ARHGEF28: variants seen among roughly 807,000 people sequenced by gnomAD.
ARHGEF28 encodes the protein Rho guanine nucleotide exchange factor 28.
Under a neutral mutation model 206.6 loss-of-function variants are expected in ARHGEF28, and 152 were observed. The observed-to-expected ratio is 0.74, with a 90% CI of 0.64 to 0.84. The LOEUF is 0.84. Ranked by LOEUF, ARHGEF28 falls within the 40% of genes least tolerant of loss-of-function variation. The pLI is 0.00. For missense variants in ARHGEF28, 2,028 were observed against 2,073.2 expected (o/e 0.98, Z 0.42); for synonymous variants, 763 against 776.4 (o/e 0.98, Z 0.29).
chr5:73,811,618 A>G (rs1755840446), intron 9 of ARHGEF28, among the ~76,000 whole-genome samples: 1 of 152,224 alleles, frequency 6.6e-6, no homozygotes, highest in Non-Finnish European at 1.5e-5. Flanking sequence ...TTTACTGGAT[A>G]TAAGGGCTGA....
intron 1 of ARHGEF28, among the ~76,000 whole-genome samples, chr5:73,657,596 C>A (rs976770367): frequency 6.6e-6 from 1 of 152,094 alleles, no homozygotes; most frequent in Non-Finnish European, 1.5e-5. Flanking sequence ...GAGCCTATGT[C>A]CAATGAAACT....
intron 1 of ARHGEF28, among the ~76,000 whole-genome samples, chr5:73,640,427 A>T (rs895991732): frequency 6.6e-6 from 1 of 152,214 alleles, no homozygotes; most frequent in Non-Finnish European, 1.5e-5. Context: ...TATGATATTT[A>T]TAGTGCCAAA....
intron 2 of ARHGEF28, among the ~76,000 whole-genome samples, chr5:73,739,913 AT>A (rs1465106944): frequency 2.0e-5 from 3 of 150,592 alleles, no homozygotes; most frequent in South Asian, 4.2e-4. Flanking sequence ...CATGTCTGTA[AT>A]TCCAGCGCTT....
intron 35 of ARHGEF28, among the ~76,000 whole-genome samples, chr5:73,937,781 G>T (rs1175337911): frequency 6.6e-6 from 1 of 152,032 alleles, no homozygotes; most frequent in Non-Finnish European, 1.5e-5. Flanking sequence ...TCAGTTTAGG[G>T]TTCTATATGA....
chr5:73,900,957 G>A (rs896087923), intron 30 of ARHGEF28: 22 of 426,318 alleles, frequency 5.2e-5, no homozygotes, highest in African/African-American at 3.6e-4. Context: ...GTGATACTTT[G>A]TGCGGTTCGT....
In ARHGEF28 at chr5:73,738,602, G is replaced by A. The variant is rs946903562; in HGVS notation, c.34-11235G>A. ...TCGCACGGATGCTGGCCAGATGAGA[G>A]GGACAAGGGGAACTGTCTCCAGCTT... On this transcript the variant is annotated intron_variant, in intron 2 of 35. Transcript: ENST00000513042. Among the ~76,000 whole-genome samples, 7 of 152,044 alleles carry A rather than the reference G, an allele frequency of 4.6e-5. No individual in the cohort carries two copies. The East Asian group carries it at 7.7e-4, about 17-fold the overall frequency.
intron 21 of ARHGEF28, 72 bp downstream of exon 21, chr5:73,870,281 G>C (rs1474644807): frequency 2.0e-6 from 3 of 1,483,382 alleles, no homozygotes; most frequent in Non-Finnish European, 2.7e-6. Context: ...ATTTGCAACT[G>C]TGCAGAGTTG....
chr5:73,741,158 G>A lies in ARHGEF28; in HGVS notation c.34-8679G>A, dbSNP rs371192782. Among the ~76,000 whole-genome samples, 4 of 152,008 alleles carry A rather than the reference G, an allele frequency of 2.6e-5. No individual in the cohort carries two copies. In the East Asian group the frequency reaches 7.8e-4, roughly 29 times the overall value. On this transcript the variant is annotated intron_variant, in intron 2 of 35. Transcript: ENST00000513042. ...TGTAAGTTAGGGATTTGAAAAGGAA[G>A]CAAGCTAAGGGGCTTTATAAAGCCT... is the stretch of plus-strand genomic sequence containing the variant.
intron 1 of ARHGEF28, among the ~76,000 whole-genome samples, chr5:73,635,872 A>G (rs942553782): frequency 1.3e-5 from 2 of 152,202 alleles, no homozygotes; most frequent in Non-Finnish European, 2.9e-5. Context: ...CGCATTGCCA[A>G]TGCTTTAATA....
chr5:73,732,325 T>C lies in ARHGEF28; in HGVS notation c.34-17512T>C, dbSNP rs141889121. 4.0e-3 allele frequency among the ~76,000 whole-genome samples: 608 copies of C among 152,178 alleles called. 5 individuals carry two copies. The highest frequency in any genetic ancestry group is 0.014 in the African/African-American group (580 of 41,536). On this transcript the variant is annotated intron_variant, in intron 2 of 35. Transcript: ENST00000513042. Reference sequence around the variant, plus strand: ...GAGTTGGCATCATGTAGTATGTAACTTGTTCAGATCAGCTTTTTTTTTTTC... The same window carrying C: ...GAGTTGGCATCATGTAGTATGTAACCTGTTCAGATCAGCTTTTTTTTTTTC...
At chr5:73,668,766 A>ACCCTTCTACTGGAAG (rs60620449) in intron 1 of ARHGEF28, among the ~76,000 whole-genome samples, 2 of 151,416 alleles carry the variant, frequency 1.3e-5, no homozygotes, top group Admixed American at 6.6e-5. Context: ...TTACTTGGAA[A>ACCCTTCTACTGGAAG]CCCTTCTAAG....
chr5:73,897,939 AT>A lies in ARHGEF28; in HGVS notation c.3842-18del, dbSNP rs537565843. 2.4e-4 allele frequency: 370 copies of A among 1,548,638 alleles called. No homozygotes were observed. In the South Asian group the frequency reaches 4.0e-3, roughly 17 times the overall value. ...ATACCTATCTTTGTTTTTTAGATTT[AT>A]TTTTGTTTTTCTCCATCTTAGCTGA... On this transcript the variant is annotated intron_variant, in intron 29 of 35. Transcript: ENST00000513042.
intron 1 of ARHGEF28, among the ~76,000 whole-genome samples, chr5:73,637,558 T>G (rs758326057): frequency 1.3e-5 from 2 of 152,158 alleles, no homozygotes; most frequent in Non-Finnish European, 2.9e-5. Flanking sequence ...GGACAATGGA[T>G]TTATTCTATT....
chr5:73,720,756 G>C (rs765893187), intron 2 of ARHGEF28, among the ~76,000 whole-genome samples: 46 of 152,244 alleles, frequency 3.0e-4, no homozygotes, highest in South Asian at 1.0e-3. Context: ...CTGACCGATT[G>C]CTCCTTACAA....
intron 2 of ARHGEF28, among the ~76,000 whole-genome samples, chr5:73,726,878 CTT>C (rs1357973708): frequency 6.6e-6 from 1 of 152,032 alleles, no homozygotes; most frequent in African/African-American, 2.4e-5. Flanking sequence ...TTGTCTTGTT[CTT>C]TCTGCAGAGA....
chr5:73,758,200 T>C lies in ARHGEF28; in HGVS notation c.475+4998T>C, dbSNP rs76876187. On this transcript the variant is annotated intron_variant, in intron 4 of 35. Coordinates refer to ENST00000513042, the MANE Select transcript of ARHGEF28 (RefSeq NM_001177693.2). ...GATGGCATCGTTCCTGTGAACACAGTAGCTTCTCTCCTAACCTATGGAGTA... is the reference window on the plus strand; with the variant it reads ...GATGGCATCGTTCCTGTGAACACAGCAGCTTCTCTCCTAACCTATGGAGTA... Among the ~76,000 whole-genome samples, 17 of 152,296 alleles carry C rather than the reference T, an allele frequency of 1.1e-4. No homozygotes were observed. In the East Asian group the frequency reaches 1.9e-3, roughly 17 times the overall value.
Position 73,873,170 on chromosome 5 carries a change from A to C in ARHGEF28, c.2738A>C (p.Glu913Ala). ...IHRHFFYSMK[E>A]RRQESCAGSD... ...AGGCATTTCTTCTACAGTATGAAGGAACGAAGGCAGGAATCCTGTGCTGGC... is the reference window on the plus strand; with the variant it reads ...AGGCATTTCTTCTACAGTATGAAGGCACGAAGGCAGGAATCCTGTGCTGGC... Residue 913 changes from glutamate (E) to alanine (A), a missense_variant, in exon 22 of 36, where the codon GAA becomes GCA. Physicochemically the swap from Glu to Ala is moderately radical, Grantham distance 107. Coordinates refer to ENST00000513042, the MANE Select transcript of ARHGEF28 (RefSeq NM_001177693.2). The C allele has an allele frequency of 6.2e-7, 1 of 1,612,598 alleles. No individual in the cohort carries two copies. The highest frequency in any genetic ancestry group is 8.5e-7 in the Non-Finnish European group (1 of 1,179,342).
At chr5:73,778,425 TTGGAG>T in intron 6 of ARHGEF28, among the ~76,000 whole-genome samples, 1 of 152,352 alleles carries the variant, frequency 6.6e-6, no homozygotes, top group East Asian at 1.9e-4. Context: ...CAATAATTTA[TTGGAG>T]TGGACTTTAT....
intron 2 of ARHGEF28, among the ~76,000 whole-genome samples, chr5:73,714,735 T>C (rs1226602528): frequency 6.6e-6 from 1 of 152,206 alleles, no homozygotes; most frequent in Non-Finnish European, 1.5e-5. Flanking sequence ...TTTACAAATA[T>C]GTACACCTGT....
Sources: allele counts gnomAD v4.1 joint callset (sites outside exome capture counted in the v4.1 genomes callset), GRCh38; gene constraint gnomAD v4.1.1; transcripts MANE v1.5; gene names NCBI Gene and HGNC (gene_info 2026-07-23, HGNC 2026-07-21).